Variants in NRXN1 observed in about 807,000 individuals in gnomAD.
NRXN1 encodes neurexin-1.
Under a neutral mutation model 150.9 loss-of-function variants are expected in NRXN1, and 39 were observed. That is an observed-to-expected ratio of 0.26 (90% CI 0.20 to 0.34). NRXN1 has a LOEUF of 0.34. NRXN1 is among the 10% of genes least tolerant of loss of function. NRXN1 has a pLI of 1.00. For synonymous variants in NRXN1, 924 were observed against 757.0 expected (o/e 1.22, Z -3.62); for missense variants, 1,815 against 1,949.9 (o/e 0.93, Z 1.30).
Position 50,621,397 on chromosome 2 carries a change from T to C in NRXN1, c.1135-148A>G, listed in dbSNP as rs558471562. On this transcript the variant is annotated intron_variant, in intron 6 of 22. Transcript: ENST00000401669. Reference sequence around the variant, plus strand: ...AATGAAACATTCCATGAATGACATGTTAGTTATTAAGCATGTTAGTAACAT... The same window carrying C: ...AATGAAACATTCCATGAATGACATGCTAGTTATTAAGCATGTTAGTAACAT... 4.3e-5 allele frequency: 26 copies of C among 604,578 alleles called. No homozygotes were observed. The South Asian group carries it at 7.7e-4, about 18-fold the overall frequency. 37.5% of individuals were successfully genotyped at this position (604,578 alleles called of 1,614,324 possible).
intron 21 of NRXN1, among the ~76,000 whole-genome samples, chr2:50,043,171 C>T (rs781095394): frequency 1.1e-4 from 16 of 151,946 alleles, no homozygotes; most frequent in South Asian, 2.1e-4. Context: ...ATGTAGAATG[C>T]AAAGTTATAT....
At chr2:50,157,494 G>A (rs1188011530) in intron 18 of NRXN1, among the ~76,000 whole-genome samples, 3 of 152,046 alleles carry the variant, frequency 2.0e-5, no homozygotes, top group Admixed American at 6.6e-5. Flanking sequence ...AGGGCAGAAT[G>A]TGACCAATTC....
chr2:50,969,378 T>A (rs1199743077), intron 2 of NRXN1, among the ~76,000 whole-genome samples: 1 of 152,158 alleles, frequency 6.6e-6, no homozygotes, highest in Non-Finnish European at 1.5e-5. Flanking sequence ...TCTTTGTATC[T>A]CAAATGTCAT....
intron 8 of NRXN1, among the ~76,000 whole-genome samples, chr2:50,617,766 T>C (rs970982106): frequency 6.6e-6 from 1 of 152,110 alleles, no homozygotes; most frequent in African/African-American, 2.4e-5. Context: ...TTTTTCTGGT[T>C]AAAAGGCCAA....
At chr2:50,534,796 A>G (rs2093211719) in intron 10 of NRXN1, among the ~76,000 whole-genome samples, 1 of 152,216 alleles carries the variant, frequency 6.6e-6, no homozygotes, top group African/African-American at 2.4e-5. Context: ...TTTTTGAAAT[A>G]ATCATATTCT....
chr2:50,044,210 AG>A (rs1164997278), intron 21 of NRXN1, among the ~76,000 whole-genome samples: 5 of 152,218 alleles, frequency 3.3e-5, no homozygotes, highest in African/African-American at 1.2e-4. Flanking sequence ...CAATTATAAC[AG>A]TCTTGGAGTT....
At chr2:50,732,004 A>G (rs1698163870) in intron 5 of NRXN1, among the ~76,000 whole-genome samples, 1 of 152,152 alleles carries the variant, frequency 6.6e-6, no homozygotes, top group African/African-American at 2.4e-5. Context: ...GTTAGGTGTG[A>G]CCTTTAAGTA....
rs572758147 is a variant in NRXN1 at position 50,829,999 on chromosome 2, G to GAAAAAA, written c.832+91864_832+91869dup. ...GGAACCCAAAGAATACTGCCTGCTGGAAAAAAAAAAAAAAAAAAAAAAAAA... is the reference window on the plus strand; with the variant it reads ...GGAACCCAAAGAATACTGCCTGCTGGAAAAAAAAAAAAAAAAAAAAAAAAAAAAAAA... On this transcript the variant is annotated intron_variant, in intron 5 of 22. Coordinates refer to ENST00000401669, the MANE Select transcript of NRXN1 (RefSeq NM_001330078.2). Among the ~76,000 whole-genome samples the GAAAAAA allele has an allele frequency of 1.3e-3, 76 of 58,126 alleles. 9 individuals are homozygous for GAAAAAA. Among genetic ancestry groups the GAAAAAA allele is most frequent in the East Asian group, 3.1e-3 (4 of 1,294 alleles). The allele number at this position is 58,126 out of a possible 152,430, so 38.1% of individuals were successfully genotyped here. A position where few individuals can be genotyped will look rare whatever the true frequency, so the allele number is the denominator to read the frequency against.
chr2:50,103,336 T>C (rs541761530), intron 18 of NRXN1, among the ~76,000 whole-genome samples: 1 of 152,036 alleles, frequency 6.6e-6, no homozygotes, highest in South Asian at 2.1e-4. Flanking sequence ...ATCCATAAAA[T>C]TTCTGCCTTA....
chr2:50,550,641 T>C (rs902820745), intron 9 of NRXN1, among the ~76,000 whole-genome samples: 1 of 151,794 alleles, frequency 6.6e-6, no homozygotes, highest in African/African-American at 2.4e-5. Flanking sequence ...ATTTTTGCAT[T>C]CCCATCAATG....
chr2:50,992,651 G>C (rs902767431), intron 2 of NRXN1, among the ~76,000 whole-genome samples: 2 of 151,978 alleles, frequency 1.3e-5, no homozygotes, highest in African/African-American at 4.8e-5. Context: ...GGTTTAATGA[G>C]AAAGAAATGC....
At chr2:50,627,312 T>A (rs1681287749) in intron 5 of NRXN1, among the ~76,000 whole-genome samples, 1 of 151,518 alleles carries the variant, frequency 6.6e-6, no homozygotes, top group Non-Finnish European at 1.5e-5. Context: ...TGCTTATTGT[T>A]CTGCTCATTT....
chr2:50,552,944 C>T lies in NRXN1; in HGVS notation c.1402G>A (p.Val468Met). The T allele has an allele frequency of 6.2e-7, 1 of 1,613,848 alleles. No individual in the cohort carries two copies. Among genetic ancestry groups the T allele is most frequent in the Non-Finnish European group, 8.5e-7 (1 of 1,179,764 alleles). ...ACATTCTCACATTTAAATGCCACCACTCCATGGATCTTCATCTTAGGATCT... is the reference window on the plus strand; with the variant it reads ...ACATTCTCACATTTAAATGCCACCATTCCATGGATCTTCATCTTAGGATCT... ...QGDPKMKIHG[V>M]VAFKCENVAT... The change falls in exon 9 of 23, where the codon GTG (valine) becomes ATG (methionine). Residue 468 changes from valine (V) to methionine (M), a missense_variant. Physicochemically the swap from Val to Met is conservative, Grantham distance 21. This residue lies in a region of NRXN1 where 638 missense variants were observed against 652.6 expected (regional missense o/e 0.98). Coordinates refer to ENST00000401669, the MANE Select transcript of NRXN1 (RefSeq NM_001330078.2).
intron 8 of NRXN1, among the ~76,000 whole-genome samples, chr2:50,555,284 G>T (rs1300182551): frequency 6.6e-6 from 1 of 152,110 alleles, no homozygotes; most frequent in African/African-American, 2.4e-5. Context: ...TTTCTGACAT[G>T]AACAAGTGGG....
chr2:50,303,010 A>C (rs1256724929), intron 17 of NRXN1, among the ~76,000 whole-genome samples: 1 of 152,164 alleles, frequency 6.6e-6, no homozygotes, highest in Non-Finnish European at 1.5e-5. Context: ...AGTCAAAAAA[A>C]AGTTTTTGAA....
rs150412825 is a variant in NRXN1 at position 50,271,777 on chromosome 2, GA to G, written c.3365-34808del. On this transcript the variant is annotated intron_variant, in intron 17 of 22. Coordinates refer to ENST00000401669, the MANE Select transcript of NRXN1 (RefSeq NM_001330078.2). ...AAAATGTAAACTTGCCTATTTTGGT[GA>G]ATAACAGTACAATAATGGTACTTTC... is the stretch of plus-strand genomic sequence containing the variant. Among the ~76,000 whole-genome samples, 1,280 of 152,186 alleles carry G rather than the reference GA, an allele frequency of 8.4e-3. 10 individuals carry two copies. Among genetic ancestry groups the G allele is most frequent in the African/African-American group, 0.027 (1,117 of 41,528 alleles).
intron 5 of NRXN1, among the ~76,000 whole-genome samples, chr2:50,626,145 T>C (rs538610057): frequency 1.3e-5 from 2 of 152,072 alleles, no homozygotes; most frequent in African/African-American, 4.8e-5. Flanking sequence ...ACAGAAATTA[T>C]TTGGCTTAAT....
intron 19 of NRXN1, among the ~76,000 whole-genome samples, chr2:50,076,518 A>G (rs1028513880): frequency 2.0e-5 from 3 of 152,210 alleles, no homozygotes; most frequent in African/African-American, 7.2e-5. Context: ...TTAGATTAGG[A>G]AAATGAGATT....
chr2:49,984,015 A>AG (rs140514065), intron 21 of NRXN1, among the ~76,000 whole-genome samples: 71,457 of 151,112 alleles, frequency 0.47, 17,507 homozygotes, highest in Middle Eastern at 0.6. Context: ...TTAAAAAAAA[A>AG]ATTAGCTGGG....
Sources: allele counts gnomAD v4.1 joint callset (sites outside exome capture counted in the v4.1 genomes callset), GRCh38; gene constraint gnomAD v4.1.1; regional missense constraint gnomAD v4.1.1; transcripts MANE v1.5; gene names NCBI Gene and HGNC (gene_info 2026-07-23, HGNC 2026-07-21).